Variants in KCNQ1 observed in about 807,000 individuals in gnomAD.
KCNQ1 encodes potassium voltage-gated channel subfamily Q member 1, also known as potassium voltage-gated channel subfamily KQT member 1.
In KCNQ1, 49 loss-of-function variants were observed where a neutral mutation model predicts 72.4. That is an observed-to-expected ratio of 0.68 (90% CI 0.54 to 0.86). The LOEUF is 0.86. Among genes scored for constraint, KCNQ1 ranks in the 40% least tolerant of loss-of-function variants. The probability of loss-of-function intolerance (pLI) is 0.00; values close to 1 mark genes in which losing one functional copy is unlikely to be tolerated. For missense variants in KCNQ1, 790 were observed against 945.1 expected (o/e 0.84, Z 2.15); for synonymous variants, 450 against 412.6 (o/e 1.09, Z -1.10).
At position 2,642,519 on chromosome 11, in the gene KCNQ1, TC is replaced by T. The variant is rs1247190050; in HGVS notation, c.1394-19438del. 3.5e-5 allele frequency: 14 copies of T among 397,892 alleles called. No homozygotes were observed. The East Asian group carries it at 5.0e-4, about 14-fold the overall frequency. The allele number at this position is 397,892 out of a possible 1,614,324, so 24.6% of individuals were successfully genotyped here. ...GTATTTCATGGTATGAGTTGTAATA[TC>T]CCCTTTTTCATTTTTGATTTTATTC... On this transcript the variant is annotated intron_variant, in intron 10 of 15. Transcript: ENST00000155840. The surrounding 1 kb of genome is among the most constrained non-coding windows in gnomAD (Gnocchi z 4.3).
At chr11:2,789,914 C>T (rs1846985888) in intron 15 of KCNQ1, among the ~76,000 whole-genome samples, 1 of 152,224 alleles carries the variant, frequency 6.6e-6, no homozygotes, top group Non-Finnish European at 1.5e-5. Flanking sequence ...CCAATCCTAA[C>T]ATCCTGTGAG....
In KCNQ1 at chr11:2,623,283, C is replaced by T; in HGVS notation, c.1393+34429C>T. ...TAAACCTCTTTTCTCACAAATTACC[C>T]AGTCTCAGGTAGTTCTTTATAGCAC... is the stretch of plus-strand genomic sequence containing the variant. On this transcript the variant is annotated intron_variant, in intron 10 of 15. Coordinates refer to ENST00000155840, the MANE Select transcript of KCNQ1 (RefSeq NM_000218.3). The surrounding 1 kb of genome is among the most constrained non-coding windows in gnomAD (Gnocchi z 5.2). 2.5e-6 allele frequency: 1 copy of T among 398,768 alleles called. No homozygotes were observed. Among genetic ancestry groups the T allele is most frequent in the Non-Finnish European group, 4.4e-6 (1 of 226,140 alleles). The allele number at this position is 398,768 out of a possible 1,614,324, so 24.7% of individuals were successfully genotyped here.
At chr11:2,788,739 C>G (rs1481481129) in intron 15 of KCNQ1, among the ~76,000 whole-genome samples, 2 of 152,204 alleles carry the variant, frequency 1.3e-5, no homozygotes, top group African/African-American at 2.4e-5. Flanking sequence ...CCTGAGGAGC[C>G]GTCTTAGTGG....
chr11:2,682,922 T>C lies in KCNQ1; in HGVS notation c.1514+20841T>C. On this transcript the variant is annotated intron_variant, in intron 11 of 15. Coordinates refer to ENST00000155840, the MANE Select transcript of KCNQ1 (RefSeq NM_000218.3). This position sits in a 1 kb window ranked among gnomAD's most constrained non-coding sequence, Gnocchi z 5.8. ...CAGAAAATGGTGGCACCTGGAGAGGTGCTCAGGTCTGTGTGGAAGAAAGGA... is the reference window on the plus strand; with the variant it reads ...CAGAAAATGGTGGCACCTGGAGAGGCGCTCAGGTCTGTGTGGAAGAAAGGA... The C allele has an allele frequency of 5.0e-6, 2 of 398,494 alleles. No individual in the cohort carries two copies. Among genetic ancestry groups the C allele is most frequent in the Non-Finnish European group, 8.8e-6 (2 of 226,054 alleles). The allele number at this position is 398,494 out of a possible 1,614,324, so 24.7% of individuals were successfully genotyped here. A position where few individuals can be genotyped will look rare whatever the true frequency, so the allele number is the denominator to read the frequency against.
chr11:2,559,943 A>G lies in KCNQ1; in HGVS notation c.478-10685A>G, dbSNP rs1366420260. 2.0e-5 allele frequency among the ~76,000 whole-genome samples: 3 copies of G among 149,738 alleles called. No homozygotes were observed. Among genetic ancestry groups the G allele is most frequent in the Non-Finnish European group, 4.5e-5 (3 of 67,412 alleles). On this transcript the variant is annotated intron_variant, in intron 2 of 15. Coordinates refer to ENST00000155840, the MANE Select transcript of KCNQ1 (RefSeq NM_000218.3). The surrounding 1 kb of genome is among the most constrained non-coding windows in gnomAD (Gnocchi z 4.9). ...GGGTGTGTCTTCCTGCAGGGCCAGG[A>G]CCCCCAGAGTGTTCCAGTGACTTCA...
chr11:2,487,031 C>A (rs1019583034), intron 1 of KCNQ1, among the ~76,000 whole-genome samples: 3 of 152,134 alleles, frequency 2.0e-5, no homozygotes, highest in Non-Finnish European at 4.4e-5. Context: ...GATATTTGAT[C>A]CATTTTGAGT....
rs893042078 is a variant in KCNQ1 at position 2,620,247 on chromosome 11, G to A, written c.1393+31393G>A. On this transcript the variant is annotated intron_variant, in intron 10 of 15. Coordinates refer to ENST00000155840, the MANE Select transcript of KCNQ1 (RefSeq NM_000218.3). This position sits in a 1 kb window ranked among gnomAD's most constrained non-coding sequence, Gnocchi z 4.5. ...TTATTTTTTTTTTAGACGGAGTTTC[G>A]CTCTTGTTGCCCAGGCTGGAGGGCA... The A allele has an allele frequency of 3.0e-5, 7 of 229,586 alleles. No individual in the cohort carries two copies. The highest frequency in any genetic ancestry group is 1.7e-4 in the Admixed American group (3 of 17,228). The allele number at this position is 229,586 out of a possible 1,614,324, so 14.2% of individuals were successfully genotyped here.
chr11:2,445,222 GA>G lies in KCNQ1; in HGVS notation c.125del (p.Glu42GlyfsTer44). 1 of 1,135,342 alleles carries G rather than the reference GA, an allele frequency of 8.8e-7. No homozygotes were observed. The allele number at this position is 1,135,342 out of a possible 1,614,324, so 70.3% of individuals were successfully genotyped here. ...GTGCCCCTTCTCGCTGGAGCTGGCG[GA>G]GGGCGGCCCGGCGGGCGGCGCGCTC... is the stretch of plus-strand genomic sequence containing the variant. ...KKCPFSLELAEGGPAGGALYA... is the reference protein window; with the variant it reads ...KKCPFSLELAXGGPAGGALYA... On this transcript the variant is annotated frameshift_variant, in exon 1 of 16. Coordinates refer to ENST00000155840, the MANE Select transcript of KCNQ1 (RefSeq NM_000218.3). LOFTEE classifies it high-confidence loss of function.
At position 2,657,459 on chromosome 11, in the gene KCNQ1, T is replaced by TA; in HGVS notation, c.1394-4501dup. 2.5e-6 allele frequency: 1 copy of TA among 398,594 alleles called. No homozygotes were observed. Among genetic ancestry groups the TA allele is most frequent in the African/African-American group, 2.1e-5 (1 of 48,770 alleles). The allele number at this position is 398,594 out of a possible 1,614,324, so 24.7% of individuals were successfully genotyped here. A position where few individuals can be genotyped will look rare whatever the true frequency, so the allele number is the denominator to read the frequency against. ...TAATTAATATTCTTTTGTGCTATTG[T>TA]ATACAGGTTCTGTTTTCTCTTGTTA... On this transcript the variant is annotated intron_variant, in intron 10 of 15. Coordinates refer to ENST00000155840, the MANE Select transcript of KCNQ1 (RefSeq NM_000218.3). This position sits in a 1 kb window ranked among gnomAD's most constrained non-coding sequence, Gnocchi z 4.8.
chr11:2,554,880 G>T (rs1017919820), intron 2 of KCNQ1, among the ~76,000 whole-genome samples: 2 of 152,140 alleles, frequency 1.3e-5, no homozygotes, highest in South Asian at 2.1e-4. Context: ...ATTCCTGAAA[G>T]GGGGGGAAAA....
chr11:2,682,252 A>G lies in KCNQ1; in HGVS notation c.1514+20171A>G. 1 of 398,510 alleles carries G rather than the reference A, an allele frequency of 2.5e-6. No individual in the cohort carries two copies. Among genetic ancestry groups the G allele is most frequent in the Non-Finnish European group, 4.4e-6 (1 of 226,062 alleles). 24.7% of individuals were successfully genotyped at this position (398,510 alleles called of 1,614,324 possible). A position where few individuals can be genotyped will look rare whatever the true frequency, so the allele number is the denominator to read the frequency against. On this transcript the variant is annotated intron_variant, in intron 11 of 15. Transcript: ENST00000155840. This position sits in a 1 kb window ranked among gnomAD's most constrained non-coding sequence, Gnocchi z 5.8. ...AGCTGAAATGTCCCTTCCTCAGAGG[A>G]GCCAATTTCTAAAGCTTAAGACTGG...
intron 15 of KCNQ1, among the ~76,000 whole-genome samples, chr11:2,843,093 G>A (rs1340416927): frequency 6.6e-6 from 1 of 152,218 alleles, no homozygotes; most frequent in Admixed American, 6.5e-5. Flanking sequence ...ATCTCCCACT[G>A]GCCACAGCAC....
intron 11 of KCNQ1, among the ~76,000 whole-genome samples, chr11:2,739,015 C>T (rs940149743): frequency 2.6e-5 from 4 of 152,290 alleles, no homozygotes; most frequent in African/African-American, 7.2e-5. Flanking sequence ...GAGGATGGCT[C>T]GAGCCCTGCT....
chr11:2,730,490 C>T (rs561071098), intron 11 of KCNQ1, among the ~76,000 whole-genome samples: 39 of 152,324 alleles, frequency 2.6e-4, no homozygotes, highest in African/African-American at 6.3e-4. Flanking sequence ...GTCCTGCGCT[C>T]TTCACAACCT....
Position 2,677,619 on chromosome 11 carries a change from AC to A in KCNQ1, c.1514+15539del. ...CCCTCTGGATTTGTTTTTTTCTAAAACGTGTACATAATTGTAACTCTAACAA... is the reference window on the plus strand; with the variant it reads ...CCCTCTGGATTTGTTTTTTTCTAAAAGTGTACATAATTGTAACTCTAACAA... On this transcript the variant is annotated intron_variant, in intron 11 of 15. Transcript: ENST00000155840. This position sits in a 1 kb window ranked among gnomAD's most constrained non-coding sequence, Gnocchi z 4.5. 1 of 398,650 alleles carries A rather than the reference AC, an allele frequency of 2.5e-6. No homozygotes were observed. 24.7% of individuals were successfully genotyped at this position (398,650 alleles called of 1,614,324 possible). A position where few individuals can be genotyped will look rare whatever the true frequency, so the allele number is the denominator to read the frequency against.
At chr11:2,721,361 C>A (rs1851199861) in intron 11 of KCNQ1, among the ~76,000 whole-genome samples, 1 of 152,190 alleles carries the variant, frequency 6.6e-6, no homozygotes, top group Non-Finnish European at 1.5e-5. Flanking sequence ...AGCTAATAAG[C>A]CGACTCCCGC....
chr11:2,469,085 G>A lies in KCNQ1; in HGVS notation c.386+23601G>A, dbSNP rs139718505. On this transcript the variant is annotated intron_variant, in intron 1 of 15. Transcript: ENST00000155840. ...CTCCTTGTCAACACTTGGTGTGGTC[G>A]GTCTTTAATTTTAGCCAATCTAACA... Among the ~76,000 whole-genome samples the A allele has an allele frequency of 5.4e-3, 828 of 152,136 alleles. 6 individuals are homozygous for A. The highest frequency in any genetic ancestry group is 0.019 in the African/African-American group (771 of 41,500).
chr11:2,548,244 C>T (rs531280615), intron 2 of KCNQ1, among the ~76,000 whole-genome samples: 7 of 152,258 alleles, frequency 4.6e-5, no homozygotes, highest in Non-Finnish European at 1.0e-4. Flanking sequence ...AGCACAGAAA[C>T]GTAGGTGGAA....
intron 6 of KCNQ1, among the ~76,000 whole-genome samples, chr11:2,581,658 C>T (rs1359071577): frequency 6.6e-6 from 1 of 152,258 alleles, no homozygotes; most frequent in Non-Finnish European, 1.5e-5. Context: ...GGACCAGCTC[C>T]CTTTTCACAT....
Sources: gnomAD v4.1 joint callset for allele counts (sites outside exome capture counted in the v4.1 genomes callset) on GRCh38, gnomAD v4.1.1 for gene constraint, Gnocchi (gnomAD v3.1) non-coding constraint, MANE v1.5 for transcripts, NCBI Gene and HGNC (gene_info 2026-07-23, HGNC 2026-07-21) for gene names.